CPNE4: variants seen among roughly 807,000 people sequenced by gnomAD.
The protein encoded by CPNE4 is copine-4.
Under a neutral mutation model 67.9 loss-of-function variants are expected in CPNE4, and 25 were observed. The observed-to-expected ratio is 0.37, with a 90% CI of 0.27 to 0.51. The LOEUF (loss-of-function observed/expected upper bound fraction) is 0.51. Among genes scored for constraint, CPNE4 ranks in the 20% least tolerant of loss-of-function variants. CPNE4 has a pLI of 0.93. For synonymous variants in CPNE4, 242 were observed against 244.9 expected, an observed-to-expected ratio of 0.99 and a Z score of 0.11; for missense variants, 464 against 690.8, an observed-to-expected ratio of 0.67 and a Z score of 3.68.
chr3:131,791,687 C>T (rs373212653), intron 2 of CPNE4, among the ~76,000 whole-genome samples: 1 of 152,128 alleles, frequency 6.6e-6, no homozygotes, highest in Non-Finnish European at 1.5e-5. Flanking sequence ...GCCCTGACTG[C>T]GTACTCTTCA....
intron 6 of CPNE4, among the ~76,000 whole-genome samples, chr3:131,674,658 G>T (rs144641082): frequency 5.0e-4 from 76 of 151,830 alleles, no homozygotes; most frequent in African/African-American, 1.7e-3. Flanking sequence ...TGCAGTATTT[G>T]TTATAATGTC....
At chr3:131,998,738 T>C (rs896052533) in intron 1 of CPNE4, among the ~76,000 whole-genome samples, 1 of 152,158 alleles carries the variant, frequency 6.6e-6, no homozygotes, top group Non-Finnish European at 1.5e-5. Context: ...GGTAAGGTTT[T>C]AGCCATTGAG....
intron 1 of CPNE4, among the ~76,000 whole-genome samples, chr3:131,965,100 C>G (rs2107931272): frequency 6.6e-6 from 1 of 152,248 alleles, no homozygotes; most frequent in African/African-American, 2.4e-5. Context: ...ATTTTCAACC[C>G]AGAATTTCAT....
intron 1 of CPNE4, among the ~76,000 whole-genome samples, chr3:131,997,935 T>C (rs1056702596): frequency 2.0e-5 from 3 of 152,124 alleles, no homozygotes; most frequent in Non-Finnish European, 4.4e-5. Context: ...CCTGCTTCCA[T>C]GATAATGACA....
At chr3:131,881,356 G>C (rs2087667519) in intron 2 of CPNE4, among the ~76,000 whole-genome samples, 1 of 152,124 alleles carries the variant, frequency 6.6e-6, no homozygotes, top group Admixed American at 6.5e-5. Flanking sequence ...TTCTAATCCA[G>C]AATAAAGCTG....
chr3:131,772,867 G>A (rs2083202446), intron 2 of CPNE4, among the ~76,000 whole-genome samples: 1 of 152,110 alleles, frequency 6.6e-6, no homozygotes, highest in Non-Finnish European at 1.5e-5. Flanking sequence ...GTGCCCCTGG[G>A]CTGATGTGCT....
At position 131,737,469 on chromosome 3, in the gene CPNE4, C is replaced by T. The variant is rs1316765487; in HGVS notation, c.181-13844G>A. On this transcript the variant is annotated intron_variant, in intron 2 of 15. Transcript: ENST00000429747. ...CTGGATCCTTCATAAGGTGAAAGAA[C>T]TATTAGTGAGTGGAGTCAAATCTTA... Among the ~76,000 whole-genome samples the T allele has an allele frequency of 2.6e-5, 4 of 152,038 alleles. No homozygotes were observed. The South Asian group carries it at 6.2e-4, about 24-fold the overall frequency.
At chr3:131,722,252 C>A (rs543136658) in intron 3 of CPNE4, among the ~76,000 whole-genome samples, 37 of 152,132 alleles carry the variant, frequency 2.4e-4, no homozygotes, top group African/African-American at 8.9e-4. Flanking sequence ...GGAGGTGAAC[C>A]CAGATTTTGT....
At chr3:131,921,352 A>G in intron 1 of CPNE4, among the ~76,000 whole-genome samples, 1 of 152,188 alleles carries the variant, frequency 6.6e-6, no homozygotes, top group South Asian at 2.1e-4. Flanking sequence ...TCATAGTCAT[A>G]GATACTCTCT....
At chr3:131,873,812 T>C (rs1317676072) in intron 2 of CPNE4, among the ~76,000 whole-genome samples, 1 of 152,206 alleles carries the variant, frequency 6.6e-6, no homozygotes, top group Non-Finnish European at 1.5e-5. Context: ...GTACATCCTG[T>C]GTACCTTCTC....
chr3:131,804,273 G>A (rs1405521564), intron 2 of CPNE4, among the ~76,000 whole-genome samples: 4 of 151,852 alleles, frequency 2.6e-5, no homozygotes, highest in East Asian at 3.9e-4. Flanking sequence ...AGCAGAACCC[G>A]TATGATTTCA....
intron 2 of CPNE4, among the ~76,000 whole-genome samples, chr3:131,731,259 G>C (rs1351698602): frequency 6.6e-6 from 1 of 152,184 alleles, no homozygotes; most frequent in Non-Finnish European, 1.5e-5. Flanking sequence ...ACATAGCCTG[G>C]TACTTATGCT....
intron 1 of CPNE4, among the ~76,000 whole-genome samples, chr3:131,955,410 GTTTTTTTTTTT>G (rs766033406): frequency 2.4e-5 from 1 of 42,270 alleles, no homozygotes; most frequent in South Asian, 9.8e-4. Context: ...TGTATGTAAG[GTTTTTTTTTTT>G]TTTTTTTTTT....
chr3:131,611,083 CT>C (rs1002359114), intron 7 of CPNE4, among the ~76,000 whole-genome samples: 29 of 152,176 alleles, frequency 1.9e-4, no homozygotes, highest in South Asian at 4.1e-4. Flanking sequence ...TATCAGGAGT[CT>C]TTTTTTAAAA....
chr3:131,566,021 C>T (rs6778122), intron 10 of CPNE4, among the ~76,000 whole-genome samples: 4 of 151,758 alleles, frequency 2.6e-5, no homozygotes, highest in African/African-American at 9.7e-5. Flanking sequence ...CATAGGGTAA[C>T]AGGGCTTGGA....
intron 2 of CPNE4, among the ~76,000 whole-genome samples, chr3:131,738,514 A>C (rs2082288523): frequency 1.3e-5 from 2 of 152,222 alleles, no homozygotes; most frequent in South Asian, 4.1e-4. Context: ...AAATTTAAGC[A>C]ACAGATGGGG....
intron 1 of CPNE4, among the ~76,000 whole-genome samples, chr3:131,977,081 T>C (rs1403212073): frequency 2.0e-5 from 3 of 152,198 alleles, no homozygotes; most frequent in Admixed American, 2.0e-4. Flanking sequence ...ATTACAGGCA[T>C]GAGCCACTGA....
At chr3:131,582,943 G>GTTTT (rs968750902) in intron 8 of CPNE4, among the ~76,000 whole-genome samples, 1 of 152,158 alleles carries the variant, frequency 6.6e-6, no homozygotes, top group African/African-American at 2.4e-5. Context: ...AGTGATTGTT[G>GTTTT]TTTTCAGCCA....
intron 2 of CPNE4, among the ~76,000 whole-genome samples, chr3:131,787,948 TTGAG>T (rs992499682): frequency 2.0e-5 from 3 of 152,150 alleles, no homozygotes; most frequent in Non-Finnish European, 4.4e-5. Flanking sequence ...TATATCATTT[TTGAG>T]TAATTATTGA....
Sources: allele counts gnomAD v4.1 joint callset (sites outside exome capture counted in the v4.1 genomes callset), GRCh38; gene constraint gnomAD v4.1.1; transcripts MANE v1.5; gene names NCBI Gene and HGNC (gene_info 2026-07-23, HGNC 2026-07-21).